Variants in FGF14 observed in about 807,000 individuals in gnomAD.
The protein encoded by FGF14 is fibroblast growth factor 14.
A neutral mutation model predicts 25.5 loss-of-function variants in FGF14; 5 were observed. The observed-to-expected ratio is 0.20, with a 90% confidence interval of 0.10 to 0.41. FGF14 has a LOEUF of 0.41. Among genes scored for constraint, FGF14 ranks in the 10% least tolerant of loss-of-function variants. The probability of loss-of-function intolerance (pLI) is 1.00; values close to 1 mark genes in which losing one functional copy is unlikely to be tolerated. For synonymous variants in FGF14, 138 were observed against 118.3 expected (o/e 1.17, Z -1.08); for missense variants, 222 against 320.1 (o/e 0.69, Z 2.34).
chr13:102,238,190 G>A (rs2051417144), intron 1 of FGF14, among the ~76,000 whole-genome samples: 1 of 152,152 alleles, frequency 6.6e-6, no homozygotes, highest in African/African-American at 2.4e-5. Context: ...ATATATTAAA[G>A]AAAGGATTTA....
chr13:102,003,234 A>G (rs758501381), intron 1 of FGF14: 1 of 152,222 alleles, frequency 6.6e-6, no homozygotes, highest in Non-Finnish European at 1.5e-5. Flanking sequence ...GCTAACAAAT[A>G]TATTGCTTAG....
In FGF14 at chr13:101,720,155, A is replaced by G. The variant is rs1310046311; in HGVS notation, c.*2676T>C. The G allele has an allele frequency of 6.6e-6, 1 of 152,106 alleles. No homozygotes were observed. The highest frequency in any genetic ancestry group is 1.5e-5 in the Non-Finnish European group (1 of 67,996). 9.4% of individuals were successfully genotyped at this position (152,106 alleles called of 1,614,324 possible). A position where few individuals can be genotyped will look rare whatever the true frequency, so the allele number is the denominator to read the frequency against. ...CAGACAGACAAACTCTTTGTATGCAAATTAGCAATACATACCAACAGTTCT... is the reference window on the plus strand; with the variant it reads ...CAGACAGACAAACTCTTTGTATGCAGATTAGCAATACATACCAACAGTTCT... On this transcript the variant is annotated 3_prime_UTR_variant, in exon 5 of 5. Transcript: ENST00000376143.
At chr13:102,201,130 A>AGAC in intron 1 of FGF14, among the ~76,000 whole-genome samples, 1 of 130,950 alleles carries the variant, frequency 7.6e-6, no homozygotes, top group African/African-American at 2.8e-5. Flanking sequence ...AAAAAAAAAA[A>AGAC]AAAAAGACTA....
chr13:101,791,654 A>G (rs1309976311), intron 3 of FGF14, among the ~76,000 whole-genome samples: 2 of 152,118 alleles, frequency 1.3e-5, no homozygotes, highest in African/African-American at 4.8e-5. Flanking sequence ...GCAGATTTCT[A>G]AAAACCAAGA....
intron 1 of FGF14, among the ~76,000 whole-genome samples, chr13:102,073,238 C>CA (rs1313435657): frequency 6.6e-6 from 1 of 152,058 alleles, no homozygotes; most frequent in African/African-American, 2.4e-5. Flanking sequence ...GGTGACAGAG[C>CA]AAAGCTCCAT....
At chr13:102,191,400 T>C (rs1193375650) in intron 1 of FGF14, among the ~76,000 whole-genome samples, 1 of 152,150 alleles carries the variant, frequency 6.6e-6, no homozygotes, top group Non-Finnish European at 1.5e-5. Flanking sequence ...ATGGTGAAGT[T>C]TTTGTAAAGC....
At position 101,765,357 on chromosome 13, in the gene FGF14, CTG is replaced by C. The variant is rs2038310585; in HGVS notation, c.409-38549_409-38548del. On this transcript the variant is annotated intron_variant, in intron 3 of 4. Coordinates refer to ENST00000376143, the MANE Select transcript of FGF14 (RefSeq NM_004115.4). ...AATGCAGACCCTTGCTTGGCTGCAA[CTG>C]TAAACCCATCCAGCCTCTAAATGGC... Among the ~76,000 whole-genome samples the C allele has an allele frequency of 3.3e-5, 5 of 152,310 alleles. No homozygotes were observed. The South Asian group carries it at 8.3e-4, about 25-fold the overall frequency.
At chr13:101,989,158 G>A (rs935667364) in intron 1 of FGF14, among the ~76,000 whole-genome samples, 4 of 151,972 alleles carry the variant, frequency 2.6e-5, no homozygotes, top group Non-Finnish European at 5.9e-5. Flanking sequence ...AGCTGTACAG[G>A]CCTGAGAGAA....
chr13:102,093,081 G>A (rs936056390), intron 1 of FGF14, among the ~76,000 whole-genome samples: 5 of 152,064 alleles, frequency 3.3e-5, no homozygotes, highest in Admixed American at 1.3e-4. Flanking sequence ...GGTTTGAACT[G>A]TACACATCTA....
intron 3 of FGF14, among the ~76,000 whole-genome samples, chr13:101,763,811 G>A (rs554186986): frequency 6.6e-6 from 1 of 152,266 alleles, no homozygotes; most frequent in South Asian, 2.1e-4. Flanking sequence ...AGTGAGCCGA[G>A]ATTGCACCAC....
chr13:102,030,090 G>A (rs2041135839), intron 1 of FGF14, among the ~76,000 whole-genome samples: 1 of 152,056 alleles, frequency 6.6e-6, no homozygotes, highest in African/African-American at 2.4e-5. Flanking sequence ...CTAGGTAACT[G>A]TATGAGAGAT....
At chr13:102,183,247 T>C (rs1336690) in intron 1 of FGF14, among the ~76,000 whole-genome samples, 14,964 of 152,260 alleles carry the variant, frequency 0.098, 1,187 homozygotes, top group African/African-American at 0.22. Flanking sequence ...AAGGATTTTT[T>C]TAGAATTCAA....
chr13:101,872,267 T>C (rs902601026), intron 2 of FGF14, among the ~76,000 whole-genome samples: 34 of 151,466 alleles, frequency 2.2e-4, no homozygotes, highest in Non-Finnish European at 1.2e-4. Context: ...TGGAAACATG[T>C]TTATGAATGA....
intron 4 of FGF14, among the ~76,000 whole-genome samples, chr13:101,723,363 T>C (rs2035133211): frequency 6.6e-6 from 1 of 152,038 alleles, no homozygotes; most frequent in South Asian, 2.1e-4. Flanking sequence ...TGCACATTAA[T>C]ATCAACACAT....
intron 1 of FGF14, among the ~76,000 whole-genome samples, chr13:102,343,727 T>C (rs2057022158): frequency 6.6e-6 from 1 of 152,200 alleles, no homozygotes; most frequent in Non-Finnish European, 1.5e-5. Flanking sequence ...ATTGCCTCTT[T>C]AGAAGCATAG....
chr13:101,890,759 G>A (rs1448980141), intron 1 of FGF14, among the ~76,000 whole-genome samples: 2 of 152,142 alleles, frequency 1.3e-5, no homozygotes, highest in Non-Finnish European at 2.9e-5. Flanking sequence ...CAGGCCCAGA[G>A]CCACGTGTAC....
intron 1 of FGF14, among the ~76,000 whole-genome samples, chr13:101,954,913 G>T (rs2036420121): frequency 6.6e-6 from 1 of 152,222 alleles, no homozygotes; most frequent in Non-Finnish European, 1.5e-5. Flanking sequence ...AGGAATAGAT[G>T]AAATAATATG....
intron 1 of FGF14, among the ~76,000 whole-genome samples, chr13:102,097,458 G>C (rs1426564883): frequency 6.6e-6 from 1 of 152,134 alleles, no homozygotes; most frequent in Admixed American, 6.5e-5. Flanking sequence ...CTTGATCACA[G>C]TAACAAATCA....
intron 1 of FGF14, among the ~76,000 whole-genome samples, chr13:102,054,063 C>T (rs2042327469): frequency 1.3e-5 from 2 of 152,052 alleles, no homozygotes; most frequent in African/African-American, 4.8e-5. Context: ...TAGCTATGGA[C>T]ATTTACTTAT....
Sources: gnomAD v4.1 joint callset for allele counts (sites outside exome capture counted in the v4.1 genomes callset) on GRCh38, gnomAD v4.1.1 for gene constraint, MANE v1.5 for transcripts, NCBI Gene and HGNC (gene_info 2026-07-23, HGNC 2026-07-21) for gene names.